Variants in DGKI observed in about 807,000 individuals in gnomAD.
DGKI encodes diacylglycerol kinase iota.
In DGKI, 55 loss-of-function variants were observed where a neutral mutation model predicts 147.5. The observed-to-expected ratio is 0.37, with a 90% CI of 0.30 to 0.47. The LOEUF is 0.47. DGKI is among the 20% of genes least tolerant of loss of function. The pLI is 1.00. For synonymous variants in DGKI, 469 were observed against 477.1 expected (o/e 0.98, Z 0.22); for missense variants, 1,007 against 1,323.8 (o/e 0.76, Z 3.71).
chr7:137,776,542 T>C (rs1238969089), intron 1 of DGKI, among the ~76,000 whole-genome samples: 1 of 152,068 alleles, frequency 6.6e-6, no homozygotes, highest in Non-Finnish European at 1.5e-5. Context: ...TATAGAAGGA[T>C]TACACAACAC....
intron 21 of DGKI, among the ~76,000 whole-genome samples, chr7:137,509,679 G>A (rs1373678532): frequency 6.6e-6 from 1 of 152,158 alleles, no homozygotes; most frequent in East Asian, 1.9e-4. Flanking sequence ...TGCCTCAAAG[G>A]CAGTTTGATA....
rs934943107 is a variant in DGKI at position 137,383,786 on chromosome 7, G to A, written c.*7434C>T. The A allele has an allele frequency of 5.3e-5, 8 of 151,912 alleles. No individual in the cohort carries two copies. Among genetic ancestry groups the A allele is most frequent in the Admixed American group, 4.6e-4 (7 of 15,228 alleles). The allele number at this position is 151,912 out of a possible 1,614,324, so 9.4% of individuals were successfully genotyped here. On this transcript the variant is annotated 3_prime_UTR_variant, in exon 33 of 33. Coordinates refer to ENST00000614521, the MANE Select transcript of DGKI (RefSeq NM_001321708.2). The stretch of plus-strand genomic sequence containing the variant: ...TATTCTACAAATCATCTTCCCTGCA[G>A]AATTTGAAACTAACAGTCCTACTTA...
intron 3 of DGKI, among the ~76,000 whole-genome samples, chr7:137,667,088 T>G (rs959434941): frequency 6.6e-6 from 1 of 152,182 alleles, no homozygotes; most frequent in Non-Finnish European, 1.5e-5. Context: ...CAGGTGGTTT[T>G]GTGGCTGTTC....
rs1334085120 is a variant in DGKI at position 137,386,437 on chromosome 7, G to A, written c.*4783C>T. 6.6e-6 allele frequency: 1 copy of A among 152,152 alleles called. No individual in the cohort carries two copies. The highest frequency in any genetic ancestry group is 2.4e-5 in the African/African-American group (1 of 41,438). The allele number at this position is 152,152 out of a possible 1,614,324, so 9.4% of individuals were successfully genotyped here. On this transcript the variant is annotated 3_prime_UTR_variant, in exon 33 of 33. Transcript: ENST00000614521. ...ACTAAGACAGATATTTGCTAAACCT[G>A]ATAGATTTTCAGAATCATGCTTGCC...
chr7:137,800,147 G>A (rs1382799507), intron 1 of DGKI, among the ~76,000 whole-genome samples: 2 of 152,132 alleles, frequency 1.3e-5, no homozygotes, highest in African/African-American at 4.8e-5. Context: ...TGGCAAGGTT[G>A]GAGTTGAGAT....
chr7:137,832,225 G>T (rs1235318358), intron 1 of DGKI, among the ~76,000 whole-genome samples: 1 of 152,224 alleles, frequency 6.6e-6, no homozygotes, highest in Non-Finnish European at 1.5e-5. Flanking sequence ...AGCTTCAATA[G>T]GTGGTGCCCC....
chr7:137,725,070 G>A (rs1794681423), intron 1 of DGKI, among the ~76,000 whole-genome samples: 1 of 151,976 alleles, frequency 6.6e-6, no homozygotes, highest in African/African-American at 2.4e-5. Flanking sequence ...AGGTGGGGAG[G>A]GCGAGAAGGT....
At chr7:137,614,578 T>C (rs1268657980) in intron 8 of DGKI, among the ~76,000 whole-genome samples, 3 of 152,182 alleles carry the variant, frequency 2.0e-5, no homozygotes, top group African/African-American at 7.2e-5. Context: ...GGGGTTTTCA[T>C]TTGAGTTATT....
At chr7:137,447,006 A>G (rs1482038203) in intron 27 of DGKI, among the ~76,000 whole-genome samples, 1 of 152,226 alleles carries the variant, frequency 6.6e-6, no homozygotes, top group African/African-American at 2.4e-5. Context: ...AGTGTAAACT[A>G]TTACTAGCAT....
chr7:137,806,508 A>G (rs986437327), intron 1 of DGKI, among the ~76,000 whole-genome samples: 4 of 151,898 alleles, frequency 2.6e-5, no homozygotes, highest in Non-Finnish European at 5.9e-5. Context: ...ATCTTGGCTC[A>G]CTGCAAGCTC....
At chr7:137,598,718 AC>A (rs1204505131) in intron 11 of DGKI, among the ~76,000 whole-genome samples, 1 of 152,102 alleles carries the variant, frequency 6.6e-6, no homozygotes, top group East Asian at 1.9e-4. Context: ...TTCCTGTCCT[AC>A]CATGTTCTTT....
intron 27 of DGKI, among the ~76,000 whole-genome samples, chr7:137,449,535 T>C (rs1479340511): frequency 6.6e-6 from 1 of 152,078 alleles, no homozygotes; most frequent in African/African-American, 2.4e-5. Context: ...ATGAAACTGC[T>C]AGAAGAAAAC....
intron 8 of DGKI, among the ~76,000 whole-genome samples, chr7:137,612,201 G>A (rs1052287195): frequency 6.7e-6 from 1 of 149,044 alleles, no homozygotes; most frequent in Non-Finnish European, 1.5e-5. Flanking sequence ...TTCTTATAGG[G>A]AACAGACACA....
At chr7:137,708,371 A>G (rs1321810144) in intron 1 of DGKI, among the ~76,000 whole-genome samples, 2 of 152,164 alleles carry the variant, frequency 1.3e-5, no homozygotes, top group Non-Finnish European at 1.5e-5. Flanking sequence ...CTTTATATTA[A>G]TTTACAGGAG....
At chr7:137,416,808 T>C (rs1296375951) in intron 28 of DGKI, among the ~76,000 whole-genome samples, 1 of 152,194 alleles carries the variant, frequency 6.6e-6, no homozygotes, top group Non-Finnish European at 1.5e-5. Context: ...AGCTTCCCAG[T>C]TTGAAGTCCC....
intron 10 of DGKI, among the ~76,000 whole-genome samples, chr7:137,604,858 G>A (rs147786324): frequency 6.6e-6 from 1 of 152,124 alleles, no homozygotes; most frequent in Non-Finnish European, 1.5e-5. Flanking sequence ...ATGAGTCCAG[G>A]ACCTCAAAGA....
chr7:137,627,182 TA>T (rs1462302632), intron 6 of DGKI, among the ~76,000 whole-genome samples: 1 of 152,184 alleles, frequency 6.6e-6, no homozygotes, highest in Non-Finnish European at 1.5e-5. Flanking sequence ...TTGCTTCCAC[TA>T]AAAAATCTAC....
chr7:137,713,771 AG>A (rs1261039401), intron 1 of DGKI, among the ~76,000 whole-genome samples: 3 of 152,120 alleles, frequency 2.0e-5, no homozygotes, highest in Non-Finnish European at 2.9e-5. Flanking sequence ...TGCCTCAAGT[AG>A]CTAGGACTAC....
At chr7:137,596,288 A>C (rs1399894479) in intron 12 of DGKI, among the ~76,000 whole-genome samples, 3 of 152,194 alleles carry the variant, frequency 2.0e-5, no homozygotes, top group African/African-American at 7.2e-5. Context: ...TGCTGAAGTC[A>C]TATGAGAAGG....
Sources: gnomAD v4.1 joint callset for allele counts (sites outside exome capture counted in the v4.1 genomes callset) on GRCh38, gnomAD v4.1.1 for gene constraint, MANE v1.5 for transcripts, NCBI Gene and HGNC (gene_info 2026-07-23, HGNC 2026-07-21) for gene names.